The following PRKCA variants were observed in gnomAD, a reference collection of about 807,000 sequenced individuals.
PRKCA encodes protein kinase C alpha.
In PRKCA, 27 loss-of-function variants were observed where a neutral mutation model predicts 87.0. The observed-to-expected ratio is 0.31, with a 90% CI of 0.23 to 0.43. PRKCA has a LOEUF of 0.43. Among genes scored for constraint, PRKCA ranks in the 20% least tolerant of loss-of-function variants. The pLI, the probability that PRKCA is intolerant of heterozygous loss-of-function variation, is 1.00. For synonymous variants in PRKCA, 329 were observed against 311.1 expected (o/e 1.06, Z -0.61); for missense variants, 518 against 852.3 (o/e 0.61, Z 4.88).
At chr17:66,788,753 T>G (rs1440581045) in intron 15 of PRKCA, 86 bp from the exon 16 acceptor site, 1 of 1,500,302 alleles carries the variant, frequency 6.7e-7, no homozygotes, top group African/African-American at 1.4e-5. Context: ...AAGTCAGGGC[T>G]GTAGGCAGAG....
In PRKCA at chr17:66,622,758, A is replaced by C. The variant is rs532991251; in HGVS notation, c.289-18597A>C. ...GGCGGAAGGTGAAAGGCACTTCTTAACACGGTGGTGGCACGAGAGATGAGA... is the reference window on the plus strand; with the variant it reads ...GGCGGAAGGTGAAAGGCACTTCTTACCACGGTGGTGGCACGAGAGATGAGA... On this transcript the variant is annotated intron_variant, in intron 3 of 16. Transcript: ENST00000413366. 8.3e-4 allele frequency among the ~76,000 whole-genome samples: 126 copies of C among 152,358 alleles called. 1 individual carries two copies. Among genetic ancestry groups the C allele is most frequent in the African/African-American group, 3.0e-3 (124 of 41,582 alleles).
chr17:66,690,308 G>A (rs913123497), intron 8 of PRKCA, among the ~76,000 whole-genome samples: 2 of 152,132 alleles, frequency 1.3e-5, no homozygotes, highest in Non-Finnish European at 2.9e-5. Context: ...GGCAATGAAC[G>A]GCAGGCCTCG....
At chr17:66,528,493 G>T (rs988485446) in intron 3 of PRKCA, among the ~76,000 whole-genome samples, 1 of 152,132 alleles carries the variant, frequency 6.6e-6, no homozygotes, top group Non-Finnish European at 1.5e-5. Context: ...AGTGAGGGAT[G>T]AACTCACAAA....
chr17:66,609,806 G>A (rs1165919663), intron 3 of PRKCA, among the ~76,000 whole-genome samples: 1 of 151,474 alleles, frequency 6.6e-6, no homozygotes, highest in Non-Finnish European at 1.5e-5. Context: ...TTTTTTTACT[G>A]TCAGTGAAAA....
At chr17:66,588,438 A>G (rs1233286622) in intron 3 of PRKCA, among the ~76,000 whole-genome samples, 1 of 152,032 alleles carries the variant, frequency 6.6e-6, no homozygotes, top group Non-Finnish European at 1.5e-5. Context: ...TTTTCATAAA[A>G]TATTTTGATG....
chr17:66,346,743 AT>A (rs542413150), intron 2 of PRKCA, among the ~76,000 whole-genome samples: 1 of 152,064 alleles, frequency 6.6e-6, no homozygotes, highest in South Asian at 2.1e-4. Context: ...AGTTCTTAGG[AT>A]GGCTTTTGGT....
chr17:66,682,513 G>A (rs574792470), intron 5 of PRKCA, among the ~76,000 whole-genome samples: 7 of 152,360 alleles, frequency 4.6e-5, no homozygotes, highest in African/African-American at 1.7e-4. Context: ...CGCGTTCCCT[G>A]CCAGGGCCTT....
At chr17:66,586,071 T>C (rs991703716) in intron 3 of PRKCA, among the ~76,000 whole-genome samples, 2 of 152,198 alleles carry the variant, frequency 1.3e-5, no homozygotes, top group Non-Finnish European at 2.9e-5. Context: ...TAAGTTAATA[T>C]AAAGAGTCTT....
chr17:66,794,991 G>A (rs916105133), intron 16 of PRKCA, among the ~76,000 whole-genome samples: 9 of 151,982 alleles, frequency 5.9e-5, no homozygotes, highest in Non-Finnish European at 1.2e-4. Flanking sequence ...AAGTAATTGC[G>A]GTTTTTGCCG....
At position 66,415,562 on chromosome 17, in the gene PRKCA, C is replaced by G. The variant is rs146869473; in HGVS notation, c.206-80639C>G. On this transcript the variant is annotated intron_variant, in intron 2 of 16. Coordinates refer to ENST00000413366, the MANE Select transcript of PRKCA (RefSeq NM_002737.3). ...ACCTTAAAACCAAACGGCCAGATTT[C>G]TAAGCGCAGTCTTAAAGCATTCTTC... 3 of 152,320 alleles carry G rather than the reference C, an allele frequency of 2.0e-5. No individual in the cohort carries two copies. The East Asian group carries it at 5.8e-4, about 29-fold the overall frequency. 9.4% of individuals were successfully genotyped at this position (152,320 alleles called of 1,614,324 possible).
chr17:66,714,214 TC>T (rs892402266), intron 8 of PRKCA, among the ~76,000 whole-genome samples: 14 of 151,482 alleles, frequency 9.2e-5, no homozygotes, highest in Non-Finnish European at 1.5e-5. Flanking sequence ...CCAGCCATGT[TC>T]CCCCCCACCC....
At chr17:66,709,981 A>G (rs1973283339) in intron 8 of PRKCA, among the ~76,000 whole-genome samples, 1 of 152,176 alleles carries the variant, frequency 6.6e-6, no homozygotes, top group African/African-American at 2.4e-5. Context: ...ACCTCAAACG[A>G]GTCGATTCGC....
chr17:66,785,723 A>T (rs1361165004), intron 14 of PRKCA, among the ~76,000 whole-genome samples: 2 of 152,248 alleles, frequency 1.3e-5, no homozygotes, highest in African/African-American at 4.8e-5. Flanking sequence ...GCTCTGTCTT[A>T]AATAATAATA....
chr17:66,774,724 G>GCCC, intron 14 of PRKCA: 5 of 985,696 alleles, frequency 5.1e-6, no homozygotes, highest in Non-Finnish European at 4.8e-6. Context: ...TGTCTGCAAA[G>GCCC]ATTGCCCCAG....
intron 2 of PRKCA, among the ~76,000 whole-genome samples, chr17:66,315,732 G>C (rs34646669): frequency 0.16 from 24,947 of 152,000 alleles, 2,243 homozygotes; most frequent in South Asian, 0.24. Context: ...CGCCTGCCTC[G>C]GCCTCCCAAA....
chr17:66,509,174 G>T (rs1598730073), intron 3 of PRKCA, among the ~76,000 whole-genome samples: 1 of 121,102 alleles, frequency 8.3e-6, no homozygotes, highest in South Asian at 2.8e-4. Context: ...GTGTGTGTGT[G>T]TGTATGTGTG....
intron 16 of PRKCA, among the ~76,000 whole-genome samples, chr17:66,802,008 C>A (rs1208203101): frequency 2.6e-5 from 4 of 152,144 alleles, no homozygotes; most frequent in African/African-American, 9.7e-5. Flanking sequence ...ATTGCTTGAG[C>A]CCAGGAGTTC....
At chr17:66,472,737 T>G (rs1230559436) in intron 2 of PRKCA, among the ~76,000 whole-genome samples, 3 of 152,176 alleles carry the variant, frequency 2.0e-5, no homozygotes, top group African/African-American at 7.2e-5. Context: ...GAAAAGATCT[T>G]TTGGGATTAT....
chr17:66,656,012 G>A (rs1971725899), intron 5 of PRKCA, among the ~76,000 whole-genome samples: 1 of 152,146 alleles, frequency 6.6e-6, no homozygotes, highest in Non-Finnish European at 1.5e-5. Context: ...CAGACTTGCA[G>A]CATGCCATCC....
Sources: allele counts gnomAD v4.1 joint callset (sites outside exome capture counted in the v4.1 genomes callset), GRCh38; gene constraint gnomAD v4.1.1; transcripts MANE v1.5; gene names NCBI Gene and HGNC (gene_info 2026-07-23, HGNC 2026-07-21).